The following UNC13B variants were observed in gnomAD, a reference collection of about 807,000 sequenced individuals.
UNC13B encodes unc-13 homolog B, also known as protein unc-13 homolog B.
Under a neutral mutation model 211.0 loss-of-function variants are expected in UNC13B, and 144 were observed. The observed-to-expected ratio is 0.68, with a 90% CI of 0.60 to 0.78. The LOEUF is 0.78. Among genes scored for constraint, UNC13B ranks in the 30% least tolerant of loss-of-function variants. The probability of loss-of-function intolerance (pLI) is 0.00; values close to 1 mark genes in which losing one functional copy is unlikely to be tolerated. For missense variants in UNC13B, 1,777 were observed against 2,002.0 expected (o/e 0.89, Z 2.14); for synonymous variants, 709 against 725.8 (o/e 0.98, Z 0.37).
intron 10 of UNC13B, among the ~76,000 whole-genome samples, chr9:35,311,957 A>T (rs145057864): frequency 6.6e-6 from 1 of 152,330 alleles, no homozygotes; most frequent in African/African-American, 2.4e-5. Flanking sequence ...CAGAGTTCTC[A>T]GTCTCGGCAC....
At chr9:35,274,367 C>A (rs1828056195) in intron 7 of UNC13B, among the ~76,000 whole-genome samples, 1 of 152,102 alleles carries the variant, frequency 6.6e-6, no homozygotes, top group South Asian at 2.1e-4. Context: ...GCCACCACAC[C>A]CAGTCAAGAA....
intron 1 of UNC13B, among the ~76,000 whole-genome samples, chr9:35,203,151 T>G (rs994259452): frequency 2.6e-5 from 4 of 152,154 alleles, no homozygotes; most frequent in African/African-American, 9.7e-5. Context: ...ATTTAGCCCA[T>G]TTACATTTAA....
Position 35,381,169 on chromosome 9 carries a change from A to G in UNC13B, c.10445A>G (p.Glu3482Gly). 1 of 1,612,802 alleles carries G rather than the reference A, an allele frequency of 6.2e-7. No individual in the cohort carries two copies. Among genetic ancestry groups the G allele is most frequent in the Non-Finnish European group, 8.5e-7 (1 of 1,179,540 alleles). Residue 3482 changes from glutamate to glycine, a missense_variant, in exon 19 of 40, where the codon GAG (glutamate) becomes GGG (glycine). Transcript: ENST00000635942. ...RLQISVEIKG[E>G]EKVAPYHVQY... Reference sequence around the variant, plus strand: ...CAAATCAGTGTGGAGATCAAGGGGGAGGAGAAAGTAGCCCCATACCACGTG... The same window carrying G: ...CAAATCAGTGTGGAGATCAAGGGGGGGGAGAAAGTAGCCCCATACCACGTG...
chr9:35,401,955 T>C, intron 37 of UNC13B: 1 of 1,550,618 alleles, frequency 6.4e-7, no homozygotes, highest in Non-Finnish European at 8.7e-7. Context: ...ATTCAGTGCA[T>C]GATGGGAAAG....
chr9:35,196,572 C>G (rs1441809165), intron 1 of UNC13B, among the ~76,000 whole-genome samples: 1 of 152,132 alleles, frequency 6.6e-6, no homozygotes, highest in Non-Finnish European at 1.5e-5. Context: ...GGCATTTTCT[C>G]TTTATCCCGG....
At chr9:35,351,470 A>C in intron 11 of UNC13B, 2 of 1,231,844 alleles carry the variant, frequency 1.6e-6, no homozygotes, top group Non-Finnish European at 2.0e-6. Flanking sequence ...TCTATTAAGC[A>C]TCCTGACCAG....
At chr9:35,335,046 TAA>T (rs1188251028) in intron 11 of UNC13B, among the ~76,000 whole-genome samples, 1 of 151,866 alleles carries the variant, frequency 6.6e-6, no homozygotes, top group Non-Finnish European at 1.5e-5. Context: ...TCAAAACAAA[TAA>T]AAAATTAAAA....
At chr9:35,376,486 G>A (rs1490246032) in intron 15 of UNC13B, among the ~76,000 whole-genome samples, 2 of 152,240 alleles carry the variant, frequency 1.3e-5, no homozygotes, top group African/African-American at 4.8e-5. Context: ...TTCTGTGGTA[G>A]TGTAGCTAGA....
chr9:35,358,842 G>A (rs999662466), intron 11 of UNC13B, among the ~76,000 whole-genome samples: 1 of 151,846 alleles, frequency 6.6e-6, no homozygotes, highest in South Asian at 2.1e-4. Flanking sequence ...GGGATTACAG[G>A]CATCCACCAC....
intron 7 of UNC13B, among the ~76,000 whole-genome samples, chr9:35,285,637 AG>A (rs1309443257): frequency 2.6e-4 from 39 of 152,168 alleles, no homozygotes; most frequent in African/African-American, 8.7e-4. Context: ...GGATTGGTTG[AG>A]GCAGCAATGA....
rs1264423328 is a variant in UNC13B at position 35,400,308 on chromosome 9, G to T, written c.12349G>T (p.Ala4117Ser). 6.2e-7 allele frequency: 1 copy of T among 1,614,016 alleles called. No homozygotes were observed. Among genetic ancestry groups the T allele is most frequent in the Admixed American group, 1.7e-5 (1 of 60,018 alleles). ...TTTTATCTTGCAGCAATACTTCCATGCAGGAGGCAATGGGCTGAAGAAAAC... is the reference window on the plus strand; with the variant it reads ...TTTTATCTTGCAGCAATACTTCCATTCAGGAGGCAATGGGCTGAAGAAAAC... The part of the protein sequence containing the change: ...ALDTIKQYFH[A>S]GGNGLKKTFL... Residue 4117 changes from alanine to serine, a missense_variant, in exon 37 of 40, where the codon GCA becomes TCA. Physicochemically the swap from Ala to Ser is moderately conservative, Grantham distance 99. Transcript: ENST00000635942.
intron 1 of UNC13B, among the ~76,000 whole-genome samples, chr9:35,206,766 C>T (rs545150849): frequency 6.6e-6 from 1 of 151,164 alleles, no homozygotes; most frequent in African/African-American, 2.4e-5. Context: ...CCCAGCTACT[C>T]GGGAGGCTGA....
chr9:35,395,403 G>A (rs994283841), intron 26 of UNC13B, among the ~76,000 whole-genome samples: 6 of 152,104 alleles, frequency 3.9e-5, no homozygotes, highest in Non-Finnish European at 5.9e-5. Context: ...GCAGAATCCC[G>A]GGCTTCCATT....
intron 1 of UNC13B, among the ~76,000 whole-genome samples, chr9:35,169,255 G>A (rs866219337): frequency 3.9e-5 from 6 of 152,098 alleles, no homozygotes; most frequent in Admixed American, 6.6e-5. Context: ...CTTGGGAGGC[G>A]AGGCAGGAGG....
intron 29 of UNC13B, 39 bp from the exon 30 acceptor site, chr9:35,397,596 G>C: frequency 6.3e-7 from 1 of 1,590,252 alleles, no homozygotes; most frequent in Non-Finnish European, 8.6e-7. Flanking sequence ...GAAGAGCTAA[G>C]AGTTCCCTTT....
At chr9:35,386,479 G>C (rs1835202575) in intron 24 of UNC13B, among the ~76,000 whole-genome samples, 186 bp downstream of exon 24, 1 of 152,198 alleles carries the variant, frequency 6.6e-6, no homozygotes, top group South Asian at 2.1e-4. Context: ...CCCTGGGCAA[G>C]ATGAGACATA....
intron 1 of UNC13B, among the ~76,000 whole-genome samples, chr9:35,204,466 G>A (rs1823526822): frequency 6.6e-6 from 1 of 152,196 alleles, no homozygotes; most frequent in Admixed American, 6.5e-5. Context: ...AAAGCCACAG[G>A]CACTCAACGC....
chr9:35,207,414 C>G (rs1252079445), intron 1 of UNC13B, among the ~76,000 whole-genome samples: 3 of 151,922 alleles, frequency 2.0e-5, no homozygotes, highest in African/African-American at 7.3e-5. Context: ...TGTGCACCAC[C>G]ACCACGCTTG....
At chr9:35,245,309 C>G (rs950141628) in intron 6 of UNC13B, among the ~76,000 whole-genome samples, 4 of 150,918 alleles carry the variant, frequency 2.7e-5, no homozygotes, top group African/African-American at 9.7e-5. Context: ...TCTGTGGTTC[C>G]CAACTGCATA....
Sources: gnomAD v4.1 joint callset for allele counts (sites outside exome capture counted in the v4.1 genomes callset) on GRCh38, gnomAD v4.1.1 for gene constraint, MANE v1.5 for transcripts, NCBI Gene and HGNC (gene_info 2026-07-23, HGNC 2026-07-21) for gene names.